SMIM44: variants seen among roughly 807,000 people sequenced by gnomAD.
SMIM44 encodes small integral membrane protein 44.
At chr19:3,483,308 G>A in the SMIM44 span, 3 of 398,204 alleles carry the variant, frequency 7.5e-6, no homozygotes, top group South Asian at 1.3e-4. Flanking sequence ...ACCTGGGCAG[G>A]CGGATGCTGT....
chr19:3,482,150 C>G, the SMIM44 span, among the ~76,000 whole-genome samples: 6 of 152,214 alleles, frequency 3.9e-5, no homozygotes, highest in Admixed American at 3.3e-4. Context: ...GACTGTGTAT[C>G]CCGTCTTGTG....
chr19:3,483,166 A>G, the SMIM44 span: 30 of 398,208 alleles, frequency 7.5e-5, no homozygotes, highest in South Asian at 2.7e-3. Flanking sequence ...GTGACCCAGC[A>G]TCGGCCCCAG....
chr19:3,483,015 G>A, the SMIM44 span: 1 of 398,524 alleles, frequency 2.5e-6, no homozygotes, highest in African/African-American at 2.1e-5. Flanking sequence ...CTCCCGGGGT[G>A]CGGCCTCCTG....
At chr19:3,483,162 C>T in the SMIM44 span, 1 of 398,476 alleles carries the variant, frequency 2.5e-6, no homozygotes, top group Admixed American at 4.4e-5. Flanking sequence ...CAGGGTGACC[C>T]AGCATCGGCC....
the SMIM44 span, chr19:3,483,114 C>G: frequency 2.5e-6 from 1 of 398,448 alleles, no homozygotes; most frequent in Non-Finnish European, 4.4e-6. Flanking sequence ...GTCCCCTCCT[C>G]AGCTAGGAGA....
chr19:3,482,670 C>T, the SMIM44 span: 1 of 395,754 alleles, frequency 2.5e-6, no homozygotes, highest in East Asian at 3.6e-5. Flanking sequence ...AGCGTCCAAC[C>T]CCCGGAACCT....
At chr19:3,482,745 C>T in the SMIM44 span, 9 of 397,354 alleles carry the variant, frequency 2.3e-5, no homozygotes, top group East Asian at 2.1e-4. Flanking sequence ...GAAAGGGCTC[C>T]GGCGCGCGTA....
At chr19:3,482,898 G>A in the SMIM44 span, 1 of 397,944 alleles carries the variant, frequency 2.5e-6, no homozygotes, top group African/African-American at 2.1e-5. Flanking sequence ...CGGGGGTTCA[G>A]AGGGGGCTCC....
At chr19:3,483,108 C>T in the SMIM44 span, 1 of 398,482 alleles carries the variant, frequency 2.5e-6, no homozygotes, top group Non-Finnish European at 4.4e-6. Context: ...TCCTCTGTCC[C>T]CTCCTCAGCT....
At chr19:3,482,299 A>T in the SMIM44 span, among the ~76,000 whole-genome samples, 2 of 152,196 alleles carry the variant, frequency 1.3e-5, no homozygotes, top group Admixed American at 6.5e-5. Context: ...AGGGGAGCCC[A>T]GCAGAGGGGG....
At chr19:3,483,085 G>T in the SMIM44 span, 1 of 398,500 alleles carries the variant, frequency 2.5e-6, no homozygotes. Context: ...CAACTCCCCG[G>T]CCCCGGCCAC....
At chr19:3,482,938 C>G in the SMIM44 span, 1 of 398,312 alleles carries the variant, frequency 2.5e-6, no homozygotes, top group South Asian at 1.3e-4. Context: ...TCCTCCTCGC[C>G]CTGCCAGGCC....
At chr19:3,483,439 C>A in the SMIM44 span, 1 of 397,364 alleles carries the variant, frequency 2.5e-6, no homozygotes, top group East Asian at 3.6e-5. Flanking sequence ...CCGGAGGTGA[C>A]CCACACAGCG....
the SMIM44 span, chr19:3,483,232 G>A: frequency 2.5e-6 from 1 of 398,586 alleles, no homozygotes; most frequent in Non-Finnish European, 4.4e-6. Flanking sequence ...TCTTTGATGA[G>A]GTGCCCGACG....
chr19:3,482,343 C>A, the SMIM44 span, among the ~76,000 whole-genome samples: 1 of 152,152 alleles, frequency 6.6e-6, no homozygotes, highest in Non-Finnish European at 1.5e-5. Flanking sequence ...ATCCTGCCCT[C>A]CAAAGTCAGT....
the SMIM44 span, chr19:3,483,176 G>C: frequency 5.0e-6 from 2 of 398,364 alleles, no homozygotes; most frequent in Non-Finnish European, 8.9e-6. Context: ...ATCGGCCCCA[G>C]CTGGGTTTCG....
chr19:3,482,235 C>G, the SMIM44 span, among the ~76,000 whole-genome samples: 7 of 152,318 alleles, frequency 4.6e-5, no homozygotes, highest in East Asian at 7.7e-4. Context: ...GGACCACCCC[C>G]CAGAGACAAG....
chr19:3,483,416 G>C, the SMIM44 span: 16 of 397,656 alleles, frequency 4.0e-5, no homozygotes, highest in Non-Finnish European at 7.1e-5. Flanking sequence ...TGTCCGCCCG[G>C]CACAGGGGAG....
chr19:3,483,275 G>T, the SMIM44 span: 1 of 398,472 alleles, frequency 2.5e-6, no homozygotes, highest in Non-Finnish European at 4.4e-6. Context: ...CCACCAGCGC[G>T]GCCAGCAGCA....
Sources: gnomAD v4.1 joint callset for allele counts (sites outside exome capture counted in the v4.1 genomes callset) on GRCh38, gnomAD v4.1.1 for gene constraint, MANE v1.5 for transcripts, NCBI Gene and HGNC (gene_info 2026-07-23, HGNC 2026-07-21) for gene names.